The following GRID2 variants were observed in gnomAD, a reference collection of about 807,000 sequenced individuals.
The protein encoded by GRID2 is glutamate ionotropic receptor delta type subunit 2, also known as glutamate receptor ionotropic, delta-2.
In GRID2, 33 loss-of-function variants were observed where a neutral mutation model predicts 114.8. That is an observed-to-expected ratio of 0.29 (90% CI 0.22 to 0.38). The LOEUF is 0.38. GRID2 is among the 10% of genes least tolerant of loss of function. The pLI is 1.00. For missense variants in GRID2, 1,184 were observed against 1,257.7 expected (o/e 0.94, Z 0.89); for synonymous variants, 505 against 449.9 (o/e 1.12, Z -1.55).
At chr4:92,980,622 G>A (rs929428174) in intron 2 of GRID2, among the ~76,000 whole-genome samples, 2 of 151,954 alleles carry the variant, frequency 1.3e-5, no homozygotes, top group Non-Finnish European at 2.9e-5. Context: ...GGTTTTAGGA[G>A]TCATAATTTT....
At chr4:93,613,104 C>G (rs894071730) in intron 13 of GRID2, among the ~76,000 whole-genome samples, 1 of 142,986 alleles carries the variant, frequency 7.0e-6, no homozygotes, top group East Asian at 2.0e-4. Flanking sequence ...TTGATTGCAT[C>G]GGCTCCTGAG....
intron 2 of GRID2, among the ~76,000 whole-genome samples, chr4:92,794,905 T>TATATACAC (rs745392261): frequency 1.1e-4 from 14 of 127,808 alleles, no homozygotes; most frequent in South Asian, 2.5e-4. Flanking sequence ...TATATATATA[T>TATATACAC]ACACACACAC....
chr4:92,967,613 C>G (rs1184077314), intron 2 of GRID2, among the ~76,000 whole-genome samples: 2 of 151,862 alleles, frequency 1.3e-5, no homozygotes, highest in African/African-American at 4.8e-5. Flanking sequence ...CAGATCTCTC[C>G]TGAAGCATTT....
At chr4:93,630,910 T>C (rs866320429) in intron 14 of GRID2, among the ~76,000 whole-genome samples, 1 of 152,186 alleles carries the variant, frequency 6.6e-6, no homozygotes, top group Non-Finnish European at 1.5e-5. Context: ...TCTAAAAGCA[T>C]ATAAGAATAA....
chr4:92,952,741 G>A (rs894442524), intron 2 of GRID2, among the ~76,000 whole-genome samples: 1 of 152,092 alleles, frequency 6.6e-6, no homozygotes, highest in Non-Finnish European at 1.5e-5. Context: ...CATGTTTCAG[G>A]CTTCTTTTGT....
chr4:92,331,035 C>T (rs935632279), intron 1 of GRID2, among the ~76,000 whole-genome samples: 9 of 151,934 alleles, frequency 5.9e-5, no homozygotes, highest in African/African-American at 2.2e-4. Flanking sequence ...TGTGGAGGTA[C>T]TATATTAAAT....
intron 1 of GRID2, among the ~76,000 whole-genome samples, chr4:92,460,055 C>CATATAT (rs1343434703): frequency 5.3e-5 from 2 of 37,450 alleles, no homozygotes; most frequent in African/African-American, 1.7e-4. Flanking sequence ...TATATATATA[C>CATATAT]ACACACAACT....
At chr4:93,112,048 A>G (rs937206015) in intron 4 of GRID2, 1 of 152,138 alleles carries the variant, frequency 6.6e-6, no homozygotes, top group African/African-American at 2.4e-5. Flanking sequence ...TTGAACTACT[A>G]CATTTTTTCA....
At chr4:92,747,494 G>C (rs986837161) in intron 2 of GRID2, among the ~76,000 whole-genome samples, 6 of 152,098 alleles carry the variant, frequency 3.9e-5, no homozygotes, top group African/African-American at 1.4e-4. Context: ...GCAGGGTAAA[G>C]TTTCTGTTCT....
At chr4:93,390,505 G>A (rs1008454851) in intron 8 of GRID2, among the ~76,000 whole-genome samples, 1 of 152,096 alleles carries the variant, frequency 6.6e-6, no homozygotes, top group Non-Finnish European at 1.5e-5. Flanking sequence ...TTTACTATTC[G>A]CATTTGAGAG....
At chr4:93,342,393 T>C (rs1243516930) in intron 8 of GRID2, among the ~76,000 whole-genome samples, 1 of 152,168 alleles carries the variant, frequency 6.6e-6, no homozygotes, top group African/African-American at 2.4e-5. Flanking sequence ...CCAGGGCTAG[T>C]TTCTTCAGAA....
Position 93,341,274 on chromosome 4 carries a change from CT to C in GRID2, c.1246-54325del, listed in dbSNP as rs200107851. On this transcript the variant is annotated intron_variant, in intron 8 of 15. Coordinates refer to ENST00000282020, the MANE Select transcript of GRID2 (RefSeq NM_001510.4). ...TCTTCCATTTTGCTTATTTCTAAAA[CT>C]TTTTTTTCCCCTTTAAACAATTGTA... Among the ~76,000 whole-genome samples the C allele has an allele frequency of 7.6e-3, 1,160 of 151,892 alleles. 12 individuals are homozygous for C. The highest frequency in any genetic ancestry group is 0.011 in the Non-Finnish European group (778 of 67,932).
intron 1 of GRID2, among the ~76,000 whole-genome samples, chr4:92,334,586 GTT>G (rs571631033): frequency 6.2e-5 from 9 of 145,600 alleles, no homozygotes; most frequent in African/African-American, 2.0e-4. Flanking sequence ...GTCTCAACTC[GTT>G]TTTTTTTTTA....
intron 14 of GRID2, among the ~76,000 whole-genome samples, chr4:93,727,050 C>T (rs1039584219): frequency 6.6e-6 from 1 of 152,194 alleles, no homozygotes; most frequent in African/African-American, 2.4e-5. Flanking sequence ...GAGAGGGCAT[C>T]CCTGACTTGT....
intron 2 of GRID2, among the ~76,000 whole-genome samples, chr4:92,876,532 C>T (rs1270975952): frequency 6.6e-6 from 1 of 152,086 alleles, no homozygotes; most frequent in Non-Finnish European, 1.5e-5. Flanking sequence ...TCTAGATCTC[C>T]TAACCTTGTG....
intron 2 of GRID2, among the ~76,000 whole-genome samples, chr4:92,797,742 G>T (rs1351496271): frequency 6.6e-6 from 1 of 151,140 alleles, no homozygotes; most frequent in Non-Finnish European, 1.5e-5. Context: ...TTTTCAAATT[G>T]TCACAAATCT....
chr4:93,512,379 T>C (rs1027533600), intron 12 of GRID2, among the ~76,000 whole-genome samples: 3 of 152,180 alleles, frequency 2.0e-5, no homozygotes, highest in African/African-American at 7.2e-5. Flanking sequence ...CTTCTTAGTA[T>C]GAAAAATACA....
At chr4:92,918,081 G>T (rs1326598610) in intron 2 of GRID2, among the ~76,000 whole-genome samples, 1 of 152,044 alleles carries the variant, frequency 6.6e-6, no homozygotes, top group Non-Finnish European at 1.5e-5. Flanking sequence ...CTTGTAAGTT[G>T]GTTTCCTAGG....
chr4:93,083,836 C>A (rs1730099511), intron 2 of GRID2, among the ~76,000 whole-genome samples: 1 of 151,738 alleles, frequency 6.6e-6, no homozygotes, highest in South Asian at 2.1e-4. Flanking sequence ...GTTGGCTTAG[C>A]ATTAATAAAT....
Sources: allele counts gnomAD v4.1 joint callset (sites outside exome capture counted in the v4.1 genomes callset), GRCh38; gene constraint gnomAD v4.1.1; transcripts MANE v1.5; gene names NCBI Gene and HGNC (gene_info 2026-07-23, HGNC 2026-07-21).